The following TNS3 variants were observed in gnomAD, a reference collection of about 807,000 sequenced individuals.
TNS3 encodes tensin 3, also known as tensin-3.
TNS3 carries 45 observed loss-of-function variants against 140.9 expected under a neutral mutation model. The observed-to-expected ratio is 0.32, with a 90% CI of 0.25 to 0.41. The LOEUF (loss-of-function observed/expected upper bound fraction) is 0.41. Ranked by LOEUF, TNS3 falls within the 10% of genes least tolerant of loss-of-function variation. The pLI is 1.00. For synonymous variants in TNS3, 815 were observed against 788.4 expected, an observed-to-expected ratio of 1.03 and a Z score of -0.56; for missense variants, 1,716 against 1,906.7, an observed-to-expected ratio of 0.90 and a Z score of 1.86.
chr7:47,350,003 G>C (rs1325592660), intron 17 of TNS3, among the ~76,000 whole-genome samples: 1 of 152,196 alleles, frequency 6.6e-6, no homozygotes, highest in African/African-American at 2.4e-5. Flanking sequence ...CAGCATGTCA[G>C]CAGAGAGCAA....
intron 8 of TNS3, among the ~76,000 whole-genome samples, chr7:47,429,425 T>C (rs1794818303): frequency 6.6e-6 from 1 of 152,062 alleles, no homozygotes; most frequent in Non-Finnish European, 1.5e-5. Context: ...TGGAGTGCAG[T>C]GGCACAATCT....
intron 10 of TNS3, 101 bp downstream of exon 10, chr7:47,424,000 A>G: frequency 8.5e-7 from 1 of 1,175,962 alleles, no homozygotes; most frequent in Non-Finnish European, 1.2e-6. Flanking sequence ...AATACTATTC[A>G]TTTAGGTGTC....
chr7:47,305,128 CA>C, intron 20 of TNS3, 125 bp from the exon 21 acceptor site: 4 of 708,754 alleles, frequency 5.6e-6, no homozygotes, highest in Non-Finnish European at 7.9e-6. Flanking sequence ...CATCCATGGC[CA>C]TACTGAACAT....
chr7:47,472,623 A>ACT (rs1797002251), intron 4 of TNS3, among the ~76,000 whole-genome samples: 1 of 152,044 alleles, frequency 6.6e-6, no homozygotes, highest in Admixed American at 6.6e-5. Flanking sequence ...CGCTTAAGCC[A>ACT]CTCTCTAGGG....
intron 25 of TNS3, among the ~76,000 whole-genome samples, chr7:47,293,270 T>A (rs1214653840): frequency 1.3e-5 from 2 of 152,256 alleles, no homozygotes. Context: ...AAAGCTCTAA[T>A]AACAATGATG....
chr7:47,454,142 G>A lies in TNS3; in HGVS notation c.-75-12087C>T, dbSNP rs146489934. On this transcript the variant is annotated intron_variant, in intron 4 of 30. Coordinates refer to ENST00000311160, the MANE Select transcript of TNS3 (RefSeq NM_022748.12). ...TCAGTGGGCAGGGTGTTCTGGGGGC[G>A]CCCATTCCACTGGAAACCACGTGGT... Among the ~76,000 whole-genome samples, 1,226 of 152,194 alleles carry A rather than the reference G, an allele frequency of 8.1e-3. 17 individuals carry two copies. The highest frequency in any genetic ancestry group is 0.027 in the African/African-American group (1,101 of 41,532).
At chr7:47,498,472 G>A (rs1408040010) in intron 3 of TNS3, among the ~76,000 whole-genome samples, 1 of 152,144 alleles carries the variant, frequency 6.6e-6, no homozygotes, top group Non-Finnish European at 1.5e-5. Context: ...AAAATGATGT[G>A]GCAAATAGGT....
At chr7:47,304,578 T>C (rs1218705719) in intron 21 of TNS3, among the ~76,000 whole-genome samples, 1 of 149,072 alleles carries the variant, frequency 6.7e-6, no homozygotes, top group Non-Finnish European at 1.5e-5. Flanking sequence ...CCAGAAGCCC[T>C]CTAAGACTGA....
At position 47,302,173 on chromosome 7, in the gene TNS3, C is replaced by A. The variant is rs1786443622; in HGVS notation, c.3544+13G>T. ...GGCAGATGCCCAAGGAGGCCCTCAT[C>A]CTCCCCACATACCTTGTTCTCTTGA... On this transcript the variant is annotated intron_variant, in intron 23 of 30. Transcript: ENST00000311160. 2 of 1,612,498 alleles carry A rather than the reference C, an allele frequency of 1.2e-6. No individual in the cohort carries two copies. The highest frequency in any genetic ancestry group is 1.7e-6 in the Non-Finnish European group (2 of 1,178,488).
intron 1 of TNS3, among the ~76,000 whole-genome samples, chr7:47,564,964 C>T (rs1249507138): frequency 2.6e-5 from 4 of 152,120 alleles, no homozygotes; most frequent in African/African-American, 4.8e-5. Flanking sequence ...GAAAAGCAGA[C>T]TGTCTTGCAC....
intron 3 of TNS3, among the ~76,000 whole-genome samples, chr7:47,489,419 T>C (rs1562798151): frequency 6.6e-6 from 1 of 152,184 alleles, no homozygotes; most frequent in Non-Finnish European, 1.5e-5. Context: ...AATCCAACTC[T>C]ATGGAATCTA....
chr7:47,523,507 G>A (rs562734584), intron 2 of TNS3, among the ~76,000 whole-genome samples: 13 of 152,332 alleles, frequency 8.5e-5, no homozygotes, highest in Admixed American at 3.9e-4. Context: ...GAAACCAGAG[G>A]TGGGCCCGTC....
In TNS3 at chr7:47,446,688, C is replaced by CTTTTTT. The variant is rs144042398; in HGVS notation, c.-75-4639_-75-4634dup. On this transcript the variant is annotated intron_variant, in intron 4 of 30. Coordinates refer to ENST00000311160, the MANE Select transcript of TNS3 (RefSeq NM_022748.12). The stretch of plus-strand genomic sequence containing the variant: ...CAAAGACCGCCCTGTTCCAGGCTGC[C>CTTTTTT]TTTTTTTTTTTTTTTTTTTTTTTTT... Among the ~76,000 whole-genome samples, 286 of 96,656 alleles carry CTTTTTT rather than the reference C, an allele frequency of 3.0e-3. 36 individuals carry two copies. Among genetic ancestry groups the CTTTTTT allele is most frequent in the African/African-American group, 0.012 (265 of 21,980 alleles). 63.4% of individuals were successfully genotyped at this position (96,656 alleles called of 152,430 possible). A position where few individuals can be genotyped will look rare whatever the true frequency, so the allele number is the denominator to read the frequency against.
rs1024501460 is a variant in TNS3 at position 47,281,525 on chromosome 7, C to A, written c.4098-1171G>T. Among the ~76,000 whole-genome samples the A allele has an allele frequency of 5.3e-5, 8 of 152,326 alleles. No individual in the cohort carries two copies. The East Asian group carries it at 1.5e-3, about 29-fold the overall frequency. On this transcript the variant is annotated intron_variant, in intron 28 of 30. Transcript: ENST00000311160. ...GCAGAGGCAGAGCCTGGGTGTGCTT[C>A]AATTCAAGGTGACCCTGCAGCCACC...
rs765947200 is a variant in TNS3, at chr7:47,403,693, C to T, written c.724-2779G>A. Among the ~76,000 whole-genome samples the T allele has an allele frequency of 2.6e-5, 4 of 152,346 alleles. No individual in the cohort carries two copies. In the East Asian group the frequency reaches 5.8e-4, roughly 22 times the overall value. On this transcript the variant is annotated intron_variant, in intron 13 of 30. Coordinates refer to ENST00000311160, the MANE Select transcript of TNS3 (RefSeq NM_022748.12). ...TTCTTCTGAAAGACACGGAAAACCA[C>T]AGGATTTTCCCTAACTCGGGGCTCC...
At chr7:47,491,595 G>A (rs1029107122) in intron 3 of TNS3, among the ~76,000 whole-genome samples, 4 of 152,104 alleles carry the variant, frequency 2.6e-5, no homozygotes, top group East Asian at 1.9e-4. Flanking sequence ...CATCTCAGTC[G>A]GCCATACAGA....
At chr7:47,344,626 A>C in intron 20 of TNS3, 129 bp downstream of exon 20, 1 of 895,376 alleles carries the variant, frequency 1.1e-6, no homozygotes, top group Non-Finnish European at 1.7e-6. Flanking sequence ...ATCCATCCTC[A>C]TCCAAGGCTT....
At chr7:47,469,336 G>A (rs1264498118) in intron 4 of TNS3, among the ~76,000 whole-genome samples, 1 of 152,182 alleles carries the variant, frequency 6.6e-6, no homozygotes, top group Non-Finnish European at 1.5e-5. Context: ...CACAAACTAT[G>A]CATCCAACAA....
chr7:47,315,769 A>G, intron 20 of TNS3, among the ~76,000 whole-genome samples: 1 of 152,228 alleles, frequency 6.6e-6, no homozygotes. Flanking sequence ...TAACTTACTT[A>G]GCAAAAAATC....
Sources: gnomAD v4.1 joint callset for allele counts (sites outside exome capture counted in the v4.1 genomes callset) on GRCh38, gnomAD v4.1.1 for gene constraint, MANE v1.5 for transcripts, NCBI Gene and HGNC (gene_info 2026-07-23, HGNC 2026-07-21) for gene names.